The following SLITRK2 variants were observed in gnomAD, a reference collection of about 807,000 sequenced individuals.
SLITRK2 encodes SLIT and NTRK like family member 2.
SLITRK2 carries 13 observed loss-of-function variants against 35.4 expected under a neutral mutation model. The observed-to-expected ratio is 0.37, with a 90% confidence interval of 0.24 to 0.58. SLITRK2 has a LOEUF of 0.58. Ranked by LOEUF, SLITRK2 falls within the 20% of genes least tolerant of loss-of-function variation. The pLI, the probability that SLITRK2 is intolerant of heterozygous loss-of-function variation, is 0.75. For missense variants in SLITRK2, 471 were observed against 634.3 expected (o/e 0.74, Z 2.76); for synonymous variants, 294 against 264.7 (o/e 1.11, Z -1.07).
At position 145,824,687 on chromosome X, in the gene SLITRK2, G is replaced by C. The variant is rs2073091971; in HGVS notation, c.2262G>C (p.Leu754=). Residue 754 remains leucine, a synonymous_variant, in exon 5 of 5, where the codon CTG becomes CTC. Transcript: ENST00000335565. Reference sequence around the variant, plus strand: ...AGGCCACACCAAGAGAGCCTGAGCTGCTGTATCAAAATATTGCTGAGCGAG... The same window carrying C: ...AGGCCACACCAAGAGAGCCTGAGCTCCTGTATCAAAATATTGCTGAGCGAG... The part of the protein sequence containing the change: ...EKQATPREPE[L]LYQNIAERVK... 4.1e-6 allele frequency: 5 copies of C among 1,209,760 alleles called. No homozygotes were observed. The highest frequency in any genetic ancestry group is 5.6e-6 in the Non-Finnish European group (5 of 895,295).
rs1480362905 is a variant in SLITRK2 at position 145,821,720 on chromosome X, C to G, written c.-357C>G. 1 of 111,540 alleles carries G rather than the reference C, an allele frequency of 9.0e-6. No homozygotes were observed. The highest frequency in any genetic ancestry group is 1.9e-5 in the Non-Finnish European group (1 of 53,182). The allele number at this position is 111,540 out of a possible 1,213,427, so 9.2% of individuals were successfully genotyped here. On this transcript the variant is annotated 5_prime_UTR_variant, in exon 3 of 5. Transcript: ENST00000335565. The stretch of plus-strand genomic sequence containing the variant: ...CTTCTCTTCCGCTCCTGCCTCCTGT[C>G]GGATTTTTAATTTCTGCGCACCCCC...
In SLITRK2 at chrX:145,829,445, G is replaced by A. The variant is rs1370820246; in HGVS notation, c.*4482G>A. ...GGTGGCTAACGGCTTGTGCTTGAAA[G>A]TCTTCTGAAGTCTGATGTGAATTGA... On this transcript the variant is annotated 3_prime_UTR_variant, in exon 5 of 5. Coordinates refer to ENST00000335565, the MANE Select transcript of SLITRK2 (RefSeq NM_032539.5). 5.7e-5 allele frequency: 7 copies of A among 122,837 alleles called. No individual in the cohort carries two copies. The highest frequency in any genetic ancestry group is 1.1e-4 in the Non-Finnish European group (6 of 53,214). 10.1% of individuals were successfully genotyped at this position (122,837 alleles called of 1,213,427 possible).
rs2073144307 is a variant in SLITRK2 at position 145,828,287 on chromosome X, C to G, written c.*3324C>G. ...ATTTTTCTTAATGTCTCCAAGTCAT[C>G]AAGGGCTTAATAATTTATGAATTTT... On this transcript the variant is annotated 3_prime_UTR_variant, in exon 5 of 5. Transcript: ENST00000335565. 3.8e-6 allele frequency: 1 copy of G among 266,173 alleles called. No homozygotes were observed. The highest frequency in any genetic ancestry group is 6.9e-6 in the Non-Finnish European group (1 of 144,889). The allele number at this position is 266,173 out of a possible 1,213,427, so 21.9% of individuals were successfully genotyped here. A position where few individuals can be genotyped will look rare whatever the true frequency, so the allele number is the denominator to read the frequency against.
At chrX:145,821,007 GCA>G (rs1320134765) in intron 2 of SLITRK2, 1 of 107,723 alleles carries the variant, frequency 9.3e-6, no homozygotes, top group Non-Finnish European at 1.9e-5. Flanking sequence ...CCCACTCTCT[GCA>G]CAGAGAGCAT....
At position 145,827,422 on chromosome X, in the gene SLITRK2, C is replaced by T. The variant is rs2073136195; in HGVS notation, c.*2459C>T. On this transcript the variant is annotated 3_prime_UTR_variant, in exon 5 of 5. Coordinates refer to ENST00000335565, the MANE Select transcript of SLITRK2 (RefSeq NM_032539.5). Reference sequence around the variant, plus strand: ...GGCTCTTGATGCAGTGATTCCACTTCAGTGTTCATTTTTATTTTTCTGAAA... The same window carrying T: ...GGCTCTTGATGCAGTGATTCCACTTTAGTGTTCATTTTTATTTTTCTGAAA... 4.4e-6 allele frequency: 1 copy of T among 224,771 alleles called. No individual in the cohort carries two copies. The highest frequency in any genetic ancestry group is 2.9e-5 in the African/African-American group (1 of 34,172). 18.5% of individuals were successfully genotyped at this position (224,771 alleles called of 1,213,427 possible).
At position 145,828,629 on chromosome X, in the gene SLITRK2, G is replaced by C. The variant is rs186759878; in HGVS notation, c.*3666G>C. 1 of 122,572 alleles carries C rather than the reference G, an allele frequency of 8.2e-6. No homozygotes were observed. The highest frequency in any genetic ancestry group is 2.8e-4 in the East Asian group (1 of 3,517). 10.1% of individuals were successfully genotyped at this position (122,572 alleles called of 1,213,427 possible). A position where few individuals can be genotyped will look rare whatever the true frequency, so the allele number is the denominator to read the frequency against. ...CACTCTCACCCTAGCAAGGAGCTTC[G>C]TGCTAATAAGAGAGAGTCTTACCTG... is the stretch of plus-strand genomic sequence containing the variant. On this transcript the variant is annotated 3_prime_UTR_variant, in exon 5 of 5. Transcript: ENST00000335565.
Position 145,822,367 on chromosome X carries a change from C to T in SLITRK2, c.-43-16C>T. ...TTCTTCCCTGCACCCGCTTCTTCCC[C>T]CTGCCCCCACCTAAGGTTTGCCTGT... On this transcript the variant is annotated splice_polypyrimidine_tract_variant and intron_variant, in intron 4 of 4. Transcript: ENST00000335565. 1 of 1,058,174 alleles carries T rather than the reference C, an allele frequency of 9.5e-7. No homozygotes were observed. The highest frequency in any genetic ancestry group is 1.9e-5 in the African/African-American group (1 of 53,548). The allele number at this position is 1,058,174 out of a possible 1,213,427, so 87.2% of individuals were successfully genotyped here. A position where few individuals can be genotyped will look rare whatever the true frequency, so the allele number is the denominator to read the frequency against.
At position 145,829,673 on chromosome X, in the gene SLITRK2, T is replaced by C. The variant is rs1379178453; in HGVS notation, c.*4710T>C. 8.1e-6 allele frequency: 1 copy of C among 123,768 alleles called. No homozygotes were observed. Among genetic ancestry groups the C allele is most frequent in the African/African-American group, 3.2e-5 (1 of 30,937 alleles). 10.2% of individuals were successfully genotyped at this position (123,768 alleles called of 1,213,427 possible). ...ACAGGTTTTATAATAAATTATGTTA[T>C]TATGTAAACGAATTGCATGCATGTT... On this transcript the variant is annotated 3_prime_UTR_variant, in exon 5 of 5. Transcript: ENST00000335565.
In SLITRK2 at chrX:145,824,797, G is replaced by A. The variant is rs782324839; in HGVS notation, c.2372G>A (p.Arg791Gln). 13 of 1,209,193 alleles carry A rather than the reference G, an allele frequency of 1.1e-5. No homozygotes were observed. The highest frequency in any genetic ancestry group is 1.8e-5 in the African/African-American group (1 of 56,888). The change falls in exon 5 of 5, where the codon CGA becomes CAA. Residue 791 changes from arginine to glutamine, a missense_variant. Arg to Gln is a conservative substitution (Grantham distance 43). Transcript: ENST00000335565. ...KRQFAPSYES[R>Q]RQNQDRINKT... Reference sequence around the variant, plus strand: ...CAGTTTGCCCCTTCCTATGAATCTCGACGCCAAAACCAAGACAGAATCAAT... The same window carrying A: ...CAGTTTGCCCCTTCCTATGAATCTCAACGCCAAAACCAAGACAGAATCAAT...
At position 145,823,126 on chromosome X, in the gene SLITRK2, T is replaced by C; in HGVS notation, c.701T>C (p.Ile234Thr). 8.3e-7 allele frequency: 1 copy of C among 1,211,347 alleles called. No homozygotes were observed. The highest frequency in any genetic ancestry group is 1.1e-6 in the Non-Finnish European group (1 of 895,397). The change falls in exon 5 of 5, where the codon ATA becomes ACA. Residue 234 changes from isoleucine to threonine, a missense_variant. Ile to Thr is a moderately conservative substitution (Grantham distance 89, BLOSUM62 -1). This residue lies in a region of SLITRK2 where 17 missense variants were observed against 17.4 expected (regional missense o/e 0.98). Transcript: ENST00000335565. Reference sequence around the variant, plus strand: ...CCTCTCAAGGCCTGGCTAGACACCATAACTGTTTTTGTGGGAGAGATTGTC... The same window carrying C: ...CCTCTCAAGGCCTGGCTAGACACCACAACTGTTTTTGTGGGAGAGATTGTC... ...LLPLKAWLDTITVFVGEIVCE... is the reference protein window; with the variant it reads ...LLPLKAWLDTTTVFVGEIVCE...
chrX:145,822,672 G>A lies in SLITRK2; in HGVS notation c.247G>A (p.Val83Ile), dbSNP rs1315475347. 8.3e-7 allele frequency: 1 copy of A among 1,209,879 alleles called. No individual in the cohort carries two copies. The highest frequency in any genetic ancestry group is 1.1e-6 in the Non-Finnish European group (1 of 895,302). The change falls in exon 5 of 5, where the codon GTC (valine) becomes ATC (isoleucine). Residue 83 changes from valine to isoleucine, a missense_variant. Val to Ile is a conservative substitution (Grantham distance 29, BLOSUM62 3). Coordinates refer to ENST00000335565, the MANE Select transcript of SLITRK2 (RefSeq NM_032539.5). ...LLTRLYPNEF[V>I]NYSNAVTLHL... ...GACAAGACTGTATCCAAACGAATTT[G>A]TCAATTACTCCAACGCGGTGACTCT... is the stretch of plus-strand genomic sequence containing the variant.
chrX:145,826,903 T>C lies in SLITRK2; in HGVS notation c.*1940T>C, dbSNP rs1234421912. The C allele has an allele frequency of 8.9e-6, 1 of 112,206 alleles. No homozygotes were observed. The highest frequency in any genetic ancestry group is 1.9e-5 in the Non-Finnish European group (1 of 53,187). 9.2% of individuals were successfully genotyped at this position (112,206 alleles called of 1,213,427 possible). A position where few individuals can be genotyped will look rare whatever the true frequency, so the allele number is the denominator to read the frequency against. ...ATTCCTTAAATCCAAATTATTTGGA[T>C]TAATGATTACTGGTGTAAAATAGTT... On this transcript the variant is annotated 3_prime_UTR_variant, in exon 5 of 5. Transcript: ENST00000335565.
intron 4 of SLITRK2, 64 bp downstream of exon 4, chrX:145,822,217 G>T: frequency 4.9e-6 from 2 of 405,475 alleles, no homozygotes; most frequent in African/African-American, 5.0e-5. Flanking sequence ...AATAGGGAGC[G>T]GAGAAAAGAA....
chrX:145,822,329 C>A (rs1294365323), intron 4 of SLITRK2, 54 bp from the exon 5 acceptor site: 22 of 746,691 alleles, frequency 2.9e-5, no homozygotes, highest in Non-Finnish European at 4.3e-5. Context: ...TTTAATCGGG[C>A]TTCCTTGTTT....
Position 145,823,597 on chromosome X carries a change from A to G in SLITRK2, c.1172A>G (p.Tyr391Cys), listed in dbSNP as rs2073065154. The change falls in exon 5 of 5, where the codon TAT (tyrosine) becomes TGT (cysteine). Residue 391 changes from tyrosine (Y) to cysteine (C), a missense_variant. Tyr to Cys is a radical substitution (Grantham distance 194, BLOSUM62 -2). This residue lies in a region of SLITRK2 where 92 missense variants were observed against 184.2 expected (regional missense o/e 0.50). Transcript: ENST00000335565. ...ACAGGGAACTATCTTCAAACTGTCT[A>G]TAAGAATGACCTCTTAGAATACAGT... ...YLTGNYLQTV[Y>C]KNDLLEYSSL... The G allele has an allele frequency of 8.3e-7, 1 of 1,210,138 alleles. No homozygotes were observed. The highest frequency in any genetic ancestry group is 1.1e-6 in the Non-Finnish European group (1 of 895,020).
At position 145,827,416 on chromosome X, in the gene SLITRK2, C is replaced by A. The variant is rs2073136128; in HGVS notation, c.*2453C>A. On this transcript the variant is annotated 3_prime_UTR_variant, in exon 5 of 5. Coordinates refer to ENST00000335565, the MANE Select transcript of SLITRK2 (RefSeq NM_032539.5). ...ACTAGAGGCTCTTGATGCAGTGATT[C>A]CACTTCAGTGTTCATTTTTATTTTT... 9.3e-6 allele frequency: 2 copies of A among 215,294 alleles called. No homozygotes were observed. Among genetic ancestry groups the A allele is most frequent in the South Asian group, 2.6e-4 (2 of 7,710 alleles). 17.7% of individuals were successfully genotyped at this position (215,294 alleles called of 1,213,427 possible).
rs2124170829 is a variant in SLITRK2 at position 145,823,308 on chromosome X, C to A, written c.883C>A (p.Pro295Thr). 1.7e-6 allele frequency: 2 copies of A among 1,211,419 alleles called. No homozygotes were observed. The highest frequency in any genetic ancestry group is 2.2e-6 in the Non-Finnish European group (2 of 895,390). The change falls in exon 5 of 5, where the codon CCA becomes ACA. Residue 295 changes from proline (P) to threonine (T), a missense_variant. Around this residue, in one of 7 missense-constraint regions of SLITRK2, gnomAD observed 56 missense variants for 48.7 expected, o/e 1.15. Coordinates refer to ENST00000335565, the MANE Select transcript of SLITRK2 (RefSeq NM_032539.5). ...LSPTMNPALN[P>T]TRAPKASRPP... ...ACCTACAATGAATCCTGCTCTCAACCCAACCAGGGCTCCGAAAGCCAGCCG... is the reference window on the plus strand; with the variant it reads ...ACCTACAATGAATCCTGCTCTCAACACAACCAGGGCTCCGAAAGCCAGCCG...
At position 145,828,664 on chromosome X, in the gene SLITRK2, C is replaced by T. The variant is rs191097963; in HGVS notation, c.*3701C>T. Reference sequence around the variant, plus strand: ...GAGAGAGTCTTACCTGAATGGCAATCGCCCAGATTAACAGTGGAGACAGTA... The same window carrying T: ...GAGAGAGTCTTACCTGAATGGCAATTGCCCAGATTAACAGTGGAGACAGTA... On this transcript the variant is annotated 3_prime_UTR_variant, in exon 5 of 5. Transcript: ENST00000335565. 3 of 122,759 alleles carry T rather than the reference C, an allele frequency of 2.4e-5. No individual in the cohort carries two copies. Among genetic ancestry groups the T allele is most frequent in the South Asian group, 3.8e-4 (1 of 2,632 alleles). The allele number at this position is 122,759 out of a possible 1,213,427, so 10.1% of individuals were successfully genotyped here. A position where few individuals can be genotyped will look rare whatever the true frequency, so the allele number is the denominator to read the frequency against.
chrX:145,827,744 G>A lies in SLITRK2; in HGVS notation c.*2781G>A. 1.7e-6 allele frequency: 2 copies of A among 1,200,505 alleles called. No homozygotes were observed. Among genetic ancestry groups the A allele is most frequent in the Non-Finnish European group, 2.3e-6 (2 of 887,697 alleles). ...ATACTTTGAACCTTTATTTTCTAAT[G>A]CAATCATAAACATTTTAAGTTTTAT... is the stretch of plus-strand genomic sequence containing the variant. On this transcript the variant is annotated 3_prime_UTR_variant, in exon 5 of 5. Coordinates refer to ENST00000335565, the MANE Select transcript of SLITRK2 (RefSeq NM_032539.5).
Sources: gnomAD v4.1 joint callset for allele counts on GRCh38, gnomAD v4.1.1 for gene constraint, gnomAD v4.1.1 regional missense constraint, MANE v1.5 for transcripts, NCBI Gene and HGNC (gene_info 2026-07-23, HGNC 2026-07-21) for gene names.